The following DLEU7 variants were observed in gnomAD, a reference collection of about 807,000 sequenced individuals.
DLEU7 encodes the protein leukemia-associated protein 7.
A neutral mutation model predicts 16.0 loss-of-function variants in DLEU7; 17 were observed. The ratio of observed to expected loss-of-function variants is 1.06; its 90% CI spans 0.73 to 1.59. The LOEUF (loss-of-function observed/expected upper bound fraction) is 1.59, where lower values mean the gene tolerates loss of function less well. DLEU7 is among the 40% of genes most tolerant of loss of function. DLEU7 has a pLI of 0.00. For missense variants in DLEU7, 308 were observed against 314.9 expected, an observed-to-expected ratio of 0.98 and a Z score of 0.17; for synonymous variants, 113 against 139.8, an observed-to-expected ratio of 0.81 and a Z score of 1.35.
At chr13:50,816,442 G>A (rs1226998784) in intron 1 of DLEU7, among the ~76,000 whole-genome samples, 4 of 152,136 alleles carry the variant, frequency 2.6e-5, no homozygotes, top group East Asian at 1.9e-4. Context: ...ATAAAAAATG[G>A]AAGGAAAAGA....
chr13:50,814,577 C>T (rs1470679975), intron 1 of DLEU7, among the ~76,000 whole-genome samples: 3 of 151,130 alleles, frequency 2.0e-5, no homozygotes, highest in Non-Finnish European at 3.0e-5. Context: ...ACAAAAAGAA[C>T]ATAAAGAACC....
intron 1 of DLEU7, among the ~76,000 whole-genome samples, chr13:50,756,876 G>C (rs1176789964): frequency 6.6e-6 from 1 of 152,192 alleles, no homozygotes; most frequent in Non-Finnish European, 1.5e-5. Context: ...GACCCAGCGA[G>C]CTCCTGGGGC....
chr13:50,827,135 G>A (rs543290872), intron 1 of DLEU7, among the ~76,000 whole-genome samples: 5 of 152,238 alleles, frequency 3.3e-5, no homozygotes, highest in East Asian at 1.9e-4. Context: ...AAAAACGAAC[G>A]TGGAGTTTAG....
At chr13:50,807,256 A>G (rs1876418819) in intron 1 of DLEU7, among the ~76,000 whole-genome samples, 1 of 152,092 alleles carries the variant, frequency 6.6e-6, no homozygotes, top group Non-Finnish European at 1.5e-5. Flanking sequence ...AAATGATACT[A>G]TACCGGCTTC....
intron 1 of DLEU7, among the ~76,000 whole-genome samples, chr13:50,792,720 T>C (rs1482282768): frequency 6.6e-6 from 1 of 151,618 alleles, no homozygotes; most frequent in Non-Finnish European, 1.5e-5. Context: ...AATATGTTCT[T>C]TGGGTCCGCA....
intron 1 of DLEU7, among the ~76,000 whole-genome samples, chr13:50,746,952 C>A (rs1049741806): frequency 1.2e-4 from 12 of 104,242 alleles, no homozygotes; most frequent in Non-Finnish European, 2.4e-4. Context: ...GCTTGTGGAA[C>A]GTACACACAC....
intron 1 of DLEU7, among the ~76,000 whole-genome samples, chr13:50,786,840 CA>C (rs1875805304): frequency 6.6e-6 from 1 of 151,918 alleles, no homozygotes; most frequent in African/African-American, 2.4e-5. Context: ...ATAAGATTGC[CA>C]GGTTAGATAT....
At chr13:50,789,985 A>G (rs1316208112) in intron 1 of DLEU7, among the ~76,000 whole-genome samples, 10 of 142,946 alleles carry the variant, frequency 7.0e-5, no homozygotes, top group South Asian at 2.2e-4. Context: ...TCTGTTGCCC[A>G]GGCTGGAGTG....
chr13:50,731,609 C>T (rs141285136), intron 1 of DLEU7, among the ~76,000 whole-genome samples: 2,215 of 152,238 alleles, frequency 0.015, 48 homozygotes, highest in African/African-American at 0.05. Context: ...ACCTCACTGG[C>T]CCAAGAACAA....
chr13:50,761,082 G>A (rs778711446), intron 1 of DLEU7, among the ~76,000 whole-genome samples: 5 of 152,166 alleles, frequency 3.3e-5, no homozygotes, highest in Non-Finnish European at 7.4e-5. Context: ...AAACACACCT[G>A]GATTGTGTTG....
chr13:50,774,311 C>T (rs1010938593), intron 1 of DLEU7, among the ~76,000 whole-genome samples: 1 of 152,180 alleles, frequency 6.6e-6, no homozygotes, highest in African/African-American at 2.4e-5. Flanking sequence ...GAACCAGCTA[C>T]TACAGTTGGA....
At chr13:50,747,752 T>C (rs576220383) in intron 1 of DLEU7, among the ~76,000 whole-genome samples, 32 of 152,310 alleles carry the variant, frequency 2.1e-4, no homozygotes, top group African/African-American at 7.7e-4. Flanking sequence ...CTTTGACTTA[T>C]GCAGTTGAAT....
chr13:50,798,702 C>A (rs886087836), intron 1 of DLEU7, among the ~76,000 whole-genome samples: 7 of 152,236 alleles, frequency 4.6e-5, no homozygotes, highest in Non-Finnish European at 1.0e-4. Context: ...CTCATGTCAA[C>A]CTCCAGGCCA....
At chr13:50,711,898 T>TC (rs1873305159), downstream of DLEU7, 1 of 149,734 alleles carries the variant, frequency 6.7e-6, no homozygotes, top group South Asian at 2.1e-4. Context: ...TTTTTTTTTT[T>TC]CTGCGTAAGA....
intron 1 of DLEU7, among the ~76,000 whole-genome samples, chr13:50,733,053 G>A (rs1439715770): frequency 3.4e-4 from 52 of 152,202 alleles, no homozygotes; most frequent in Admixed American, 3.2e-3. Context: ...CACACACACA[G>A]TTGACTACCT....
intron 1 of DLEU7, among the ~76,000 whole-genome samples, chr13:50,802,988 C>G (rs1876290990): frequency 6.6e-6 from 1 of 152,076 alleles, no homozygotes; most frequent in Admixed American, 6.5e-5. Flanking sequence ...TGTAATGTTT[C>G]ATAATTTATT....
At position 50,825,114 on chromosome 13, in the gene DLEU7, G is replaced by A. The variant is rs116980982; in HGVS notation, c.460-1594C>T. ...TTCTCTCTTTTTTTTTAAGAGATGA[G>A]ATGATAATTTTTTTTAGTTTAGTCA... On this transcript the variant is annotated intron_variant, in intron 1 of 1. Transcript: ENST00000504404. 4.9e-3 allele frequency among the ~76,000 whole-genome samples: 747 copies of A among 152,096 alleles called. 12 individuals are homozygous for A. The highest frequency in any genetic ancestry group is 0.038 in the East Asian group (198 of 5,174).
intron 1 of DLEU7, among the ~76,000 whole-genome samples, chr13:50,729,055 GAC>G (rs933691154): frequency 2.0e-5 from 3 of 151,348 alleles, no homozygotes; most frequent in African/African-American, 7.3e-5. Context: ...GTTTCAGAGA[GAC>G]ATGTGCAGGT....
At position 50,713,709 on chromosome 13, in the gene DLEU7, C is replaced by T. The variant is rs577248503; in HGVS notation, c.460-469G>A. On this transcript the variant is annotated intron_variant, in intron 1 of 1. Coordinates refer to the DLEU7 transcript ENST00000400393. The stretch of plus-strand genomic sequence containing the variant: ...GTTCCTGGCGTCATAAGCCTGCATA[C>T]GGTAGGCATTCAGTTAATAGGTACT... 6.6e-5 allele frequency among the ~76,000 whole-genome samples: 10 copies of T among 152,232 alleles called. No homozygotes were observed. The South Asian group carries it at 1.2e-3, about 19-fold the overall frequency.
Sources: allele counts gnomAD v4.1 joint callset (sites outside exome capture counted in the v4.1 genomes callset), GRCh38; gene constraint gnomAD v4.1.1; transcripts MANE v1.5; gene names NCBI Gene and HGNC (gene_info 2026-07-23, HGNC 2026-07-21).